Variants in DCAF8L2 observed in about 807,000 individuals in gnomAD.
DCAF8L2 encodes DDB1- and CUL4-associated factor 8-like protein 2.
For missense variants in DCAF8L2, 430 were observed against 490.7 expected (o/e 0.88, Z 1.17); for synonymous variants, 200 against 190.9 (o/e 1.05, Z -0.39).
the DCAF8L2 span, among the ~76,000 whole-genome samples, chrX:27,542,175 C>T: frequency 9.7e-3 from 1,075 of 111,194 alleles, 14 homozygotes; most frequent in African/African-American, 0.033. Context: ...AGTGCATGTG[C>T]CTTTTTGGTA....
intron 1 of DCAF8L2, among the ~76,000 whole-genome samples, chrX:27,604,484 A>G (rs1362001643): frequency 9.0e-6 from 1 of 111,386 alleles, no homozygotes; most frequent in Non-Finnish European, 1.9e-5. Flanking sequence ...TGCAGACCAC[A>G]CATTACATCT....
chrX:27,655,474 T>G (rs1181058167), intron 2 of DCAF8L2, among the ~76,000 whole-genome samples: 1 of 112,227 alleles, frequency 8.9e-6, no homozygotes, highest in Non-Finnish European at 1.9e-5. Context: ...TCACCAAGAC[T>G]GGCACTGATG....
the DCAF8L2 span, among the ~76,000 whole-genome samples, chrX:27,514,090 A>G: frequency 6.5e-5 from 7 of 107,610 alleles, no homozygotes. Flanking sequence ...AATAGCCAAT[A>G]CATAAATGCC....
upstream of DCAF8L2, among the ~76,000 whole-genome samples, chrX:27,586,540 C>T (rs1267364282): frequency 9.0e-6 from 1 of 111,427 alleles, no homozygotes; most frequent in African/African-American, 3.3e-5. Context: ...GATAGCTTTT[C>T]TGACATGCCA....
chrX:27,640,070 A>G (rs1363000332), intron 2 of DCAF8L2, among the ~76,000 whole-genome samples: 1 of 111,397 alleles, frequency 9.0e-6, no homozygotes, highest in Non-Finnish European at 1.9e-5. Context: ...ATATCTCCTA[A>G]TGCTATCCCT....
the DCAF8L2 span, among the ~76,000 whole-genome samples, chrX:27,536,052 C>T: frequency 3.6e-5 from 4 of 111,427 alleles, no homozygotes; most frequent in African/African-American, 1.3e-4. Context: ...TACTAAAAGT[C>T]GTCTTTGTCA....
chrX:27,644,611 G>A (rs1157735743), intron 2 of DCAF8L2, among the ~76,000 whole-genome samples: 1 of 110,987 alleles, frequency 9.0e-6, no homozygotes, highest in African/African-American at 3.3e-5. Context: ...AGCCACAGGA[G>A]CCATAGATCT....
At chrX:27,634,042 G>A (rs776657517) in intron 2 of DCAF8L2, among the ~76,000 whole-genome samples, 3 of 111,158 alleles carry the variant, frequency 2.7e-5, no homozygotes, top group Non-Finnish European at 3.8e-5. Context: ...TAAACTGTTC[G>A]AGGACAAGTT....
the DCAF8L2 span, among the ~76,000 whole-genome samples, chrX:27,511,824 A>G: frequency 8.9e-6 from 1 of 112,397 alleles, no homozygotes; most frequent in African/African-American, 3.2e-5. Flanking sequence ...TGAAGTGAAG[A>G]CAAGAGTGGT....
At chrX:27,717,725 T>G (rs1931751032) in intron 4 of DCAF8L2, among the ~76,000 whole-genome samples, 1 of 112,441 alleles carries the variant, frequency 8.9e-6, no homozygotes, top group African/African-American at 3.2e-5. Context: ...CAGAAGCTCT[T>G]TAATTAGATA....
At chrX:27,612,642 C>T (rs1177466726) in intron 1 of DCAF8L2, among the ~76,000 whole-genome samples, 1 of 111,957 alleles carries the variant, frequency 8.9e-6, no homozygotes, top group Non-Finnish European at 1.9e-5. Flanking sequence ...AGGAAGGGAT[C>T]CAGTTTCAGC....
At chrX:27,644,680 G>C (rs1928872040) in intron 2 of DCAF8L2, among the ~76,000 whole-genome samples, 1 of 112,024 alleles carries the variant, frequency 8.9e-6, no homozygotes. Context: ...GCTATTTAGG[G>C]CAGCTGATTC....
At position 27,637,772 on chromosome X, in the gene DCAF8L2, T is replaced by C. The variant is rs184935796; in HGVS notation, c.-220+5772T>C. Among the ~76,000 whole-genome samples the C allele has an allele frequency of 6.8e-3, 763 of 112,326 alleles. 1 individual carries two copies. The highest frequency in any genetic ancestry group is 0.023 in the African/African-American group (721 of 30,950). On this transcript the variant is annotated intron_variant, in intron 2 of 4. Coordinates refer to ENST00000451261, the MANE Select transcript of DCAF8L2 (RefSeq NM_001353450.2). ...ATAACTGGCTCATAACACAGAGTCA[T>C]ACTTTTGTTCTCAACTTTCTAGCAG...
the DCAF8L2 span, among the ~76,000 whole-genome samples, chrX:27,584,889 G>A: frequency 9.0e-6 from 1 of 111,324 alleles, no homozygotes; most frequent in Non-Finnish European, 1.9e-5. Context: ...TGTTTGTCAC[G>A]CTGAGCAGAA....
chrX:27,742,864 A>G (rs1439467557), intron 4 of DCAF8L2, among the ~76,000 whole-genome samples: 2 of 111,686 alleles, frequency 1.8e-5, no homozygotes, highest in African/African-American at 3.3e-5. Flanking sequence ...TGTCTGATCT[A>G]AGTGCTCAAA....
chrX:27,479,409 T>G, the DCAF8L2 span, among the ~76,000 whole-genome samples: 1 of 111,354 alleles, frequency 9.0e-6, no homozygotes, highest in African/African-American at 3.3e-5. Flanking sequence ...ACAGGTACTT[T>G]GAGCAATTAA....
At chrX:27,579,574 A>G in the DCAF8L2 span, among the ~76,000 whole-genome samples, 3 of 108,032 alleles carry the variant, frequency 2.8e-5, no homozygotes, top group Non-Finnish European at 5.7e-5. Flanking sequence ...AAAATAAAAA[A>G]GAAACTGCTA....
At chrX:27,528,476 GTATATATA>G in the DCAF8L2 span, among the ~76,000 whole-genome samples, 4 of 83,441 alleles carry the variant, frequency 4.8e-5, no homozygotes, top group Non-Finnish European at 7.0e-5. Flanking sequence ...ATGTGTATGT[GTATATATA>G]TATATATATA....
At chrX:27,698,211 G>T (rs1367465529) in intron 3 of DCAF8L2, among the ~76,000 whole-genome samples, 8 of 111,351 alleles carry the variant, frequency 7.2e-5, no homozygotes, top group African/African-American at 2.6e-4. Flanking sequence ...GGCATGAAAT[G>T]CAAAGAAAAG....
Sources: allele counts gnomAD v4.1 joint callset (sites outside exome capture counted in the v4.1 genomes callset), GRCh38; gene constraint gnomAD v4.1.1; transcripts MANE v1.5; gene names NCBI Gene and HGNC (gene_info 2026-07-23, HGNC 2026-07-21).